The following CPT1A variants were observed in gnomAD, a reference collection of about 807,000 sequenced individuals.
CPT1A encodes carnitine palmitoyltransferase 1A, also known as carnitine O-palmitoyltransferase 1, liver isoform.
A neutral mutation model predicts 100.8 loss-of-function variants in CPT1A; 64 were observed. The observed-to-expected ratio is 0.63, with a 90% confidence interval of 0.52 to 0.78. CPT1A has a LOEUF of 0.78. CPT1A is among the 30% of genes least tolerant of loss of function. The pLI is 0.00. For missense variants in CPT1A, 802 were observed against 1,034.1 expected (o/e 0.78, Z 3.08); for synonymous variants, 363 against 396.0 (o/e 0.92, Z 0.99).
chr11:68,796,083 A>G (rs558446776), intron 7 of CPT1A, among the ~76,000 whole-genome samples: 2 of 152,280 alleles, frequency 1.3e-5, no homozygotes, highest in African/African-American at 4.8e-5. Context: ...TTTGAAAGAC[A>G]AAGCCCAGGA....
rs1044578058 is a variant in CPT1A, at chr11:68,808,903, C to T, written c.282-1265G>A. Among the ~76,000 whole-genome samples, 9 of 148,414 alleles carry T rather than the reference C, an allele frequency of 6.1e-5. No homozygotes were observed. In the South Asian group the frequency reaches 1.1e-3, roughly 18 times the overall value. Reference sequence around the variant, plus strand: ...GGTGGATCACTTGGGTCCAGGAGTTCGAGACCAGCCTGGACAACATGGCAA... The same window carrying T: ...GGTGGATCACTTGGGTCCAGGAGTTTGAGACCAGCCTGGACAACATGGCAA... On this transcript the variant is annotated intron_variant, in intron 3 of 18. Coordinates refer to ENST00000265641, the MANE Select transcript of CPT1A (RefSeq NM_001876.4).
intron 1 of CPT1A, among the ~76,000 whole-genome samples, chr11:68,831,031 G>T (rs981764020): frequency 1.3e-5 from 2 of 152,194 alleles, no homozygotes; most frequent in African/African-American, 4.8e-5. Context: ...CTTCAATTTT[G>T]CTTACGATTA....
At chr11:68,805,008 C>T (rs1200225547) in intron 4 of CPT1A, among the ~76,000 whole-genome samples, 1 of 152,188 alleles carries the variant, frequency 6.6e-6, no homozygotes, top group Non-Finnish European at 1.5e-5. Context: ...CTCAGCTGAA[C>T]CTCAGCTGTG....
At position 68,761,702 on chromosome 11, in the gene CPT1A, G is replaced by A; in HGVS notation, c.1876-15C>T. On this transcript the variant is annotated splice_polypyrimidine_tract_variant and intron_variant, in intron 15 of 18. Coordinates refer to ENST00000265641, the MANE Select transcript of CPT1A (RefSeq NM_001876.4). ...CTCTGTTCCACCTGAGTGACAAAAG[G>A]TGGGAAGGACATATGTTGCATGTCT... is the stretch of plus-strand genomic sequence containing the variant. 1 of 1,614,140 alleles carries A rather than the reference G, an allele frequency of 6.2e-7. No individual in the cohort carries two copies. The highest frequency in any genetic ancestry group is 8.5e-7 in the Non-Finnish European group (1 of 1,179,990).
intron 2 of CPT1A, among the ~76,000 whole-genome samples, chr11:68,814,097 G>A (rs1856306622): frequency 6.6e-6 from 1 of 152,088 alleles, no homozygotes; most frequent in African/African-American, 2.4e-5. Context: ...GGTCAGCGGG[G>A]GGGGATTTCC....
chr11:68,793,643 G>A (rs1373065240), intron 8 of CPT1A, among the ~76,000 whole-genome samples: 1 of 151,888 alleles, frequency 6.6e-6, no homozygotes, highest in Non-Finnish European at 1.5e-5. Context: ...CTACTTGGGA[G>A]GTTGAGGCAG....
chr11:68,843,569 C>G (rs148411856), upstream of CPT1A, among the ~76,000 whole-genome samples: 1 of 152,282 alleles, frequency 6.6e-6, no homozygotes, highest in African/African-American at 2.4e-5. The surrounding 1 kb of genome is among the most constrained non-coding windows in gnomAD (Gnocchi z 4.0). Context: ...GGCCCTGTCT[C>G]CGATTATGGA....
chr11:68,768,741 A>G (rs1854898455), intron 14 of CPT1A, among the ~76,000 whole-genome samples: 1 of 152,144 alleles, frequency 6.6e-6, no homozygotes, highest in Admixed American at 6.6e-5. Context: ...GCTTGCTCAC[A>G]CGTGTTTTTT....
intron 1 of CPT1A, among the ~76,000 whole-genome samples, chr11:68,835,137 G>A (rs530489479): frequency 4.6e-5 from 7 of 152,110 alleles, no homozygotes; most frequent in African/African-American, 1.7e-4. Flanking sequence ...ATTTTATAAA[G>A]AAGATAGCCA....
chr11:68,761,459 T>C, intron 16 of CPT1A, 76 bp downstream of exon 16: 1 of 1,512,860 alleles, frequency 6.6e-7, no homozygotes, highest in Non-Finnish European at 9.2e-7. Context: ...TTAAAATATG[T>C]TCATGCAAGG....
At chr11:68,836,368 G>A (rs1262216798) in intron 1 of CPT1A, among the ~76,000 whole-genome samples, 2 of 152,016 alleles carry the variant, frequency 1.3e-5, no homozygotes, top group Non-Finnish European at 2.9e-5. Flanking sequence ...TCCTAGCTAT[G>A]TAAGAGGCTG....
chr11:68,763,971 G>C (rs1054245832), intron 14 of CPT1A, among the ~76,000 whole-genome samples: 2 of 151,328 alleles, frequency 1.3e-5, no homozygotes, highest in African/African-American at 4.8e-5. Context: ...CACACCCAGA[G>C]AATAGAAAAG....
At chr11:68,781,732 A>C (rs1464006645) in intron 11 of CPT1A, 39 bp downstream of exon 11, 1 of 1,595,808 alleles carries the variant, frequency 6.3e-7, no homozygotes, top group African/African-American at 1.3e-5. Flanking sequence ...TTCCAAGCTC[A>C]TGGGCAAACT....
chr11:68,796,510 C>T (rs1002857193), intron 7 of CPT1A, among the ~76,000 whole-genome samples: 10 of 152,054 alleles, frequency 6.6e-5, no homozygotes, highest in Admixed American at 1.3e-4. Context: ...GAGCCGAGAT[C>T]GTGCCATTGC....
chr11:68,822,260 A>T (rs953868660), intron 1 of CPT1A, among the ~76,000 whole-genome samples: 4 of 152,032 alleles, frequency 2.6e-5, no homozygotes, highest in South Asian at 2.1e-4. Context: ...GGCCAGGTGC[A>T]GTGGCTCACC....
intron 5 of CPT1A, among the ~76,000 whole-genome samples, chr11:68,799,647 T>TG (rs536255622): frequency 1.3e-5 from 2 of 151,682 alleles, no homozygotes; most frequent in African/African-American, 4.8e-5. Flanking sequence ...CCCAGCTACC[T>TG]GGGGGGCTGA....
chr11:68,841,629 T>C lies in CPT1A; in HGVS notation c.-14+146A>G. 1 of 285,778 alleles carries C rather than the reference T, an allele frequency of 3.5e-6. No homozygotes were observed. 17.7% of individuals were successfully genotyped at this position (285,778 alleles called of 1,614,324 possible). ...CCACAACCCCGCCGTCCGGGGGGAATACCGGGGTTCCTCTCGGCGCCCCGG... is the reference window on the plus strand; with the variant it reads ...CCACAACCCCGCCGTCCGGGGGGAACACCGGGGTTCCTCTCGGCGCCCCGG... On this transcript the variant is annotated intron_variant, in intron 1 of 18. Transcript: ENST00000265641. This position sits in a 1 kb window ranked among gnomAD's most constrained non-coding sequence, Gnocchi z 6.3.
intron 1 of CPT1A, among the ~76,000 whole-genome samples, chr11:68,824,265 A>G (rs1473040526): frequency 6.6e-5 from 10 of 150,908 alleles, no homozygotes; most frequent in East Asian, 1.9e-4. Flanking sequence ...AAAAAAAAAA[A>G]AGAGAAAAAA....
At chr11:68,754,802 C>CT (rs1946662284), downstream of CPT1A, 1 of 781,064 alleles carries the variant, frequency 1.3e-6, no homozygotes, top group East Asian at 2.4e-5. Context: ...TATGCTGAGA[C>CT]TTTCCACTTT....
Sources: gnomAD v4.1 joint callset for allele counts (sites outside exome capture counted in the v4.1 genomes callset) on GRCh38, gnomAD v4.1.1 for gene constraint, Gnocchi (gnomAD v3.1) non-coding constraint, MANE v1.5 for transcripts, NCBI Gene and HGNC (gene_info 2026-07-23, HGNC 2026-07-21) for gene names.